UBE3C: variants seen among roughly 807,000 people sequenced by gnomAD.
The protein encoded by UBE3C is ubiquitin-protein ligase E3C.
In UBE3C, 42 loss-of-function variants were observed where a neutral mutation model predicts 129.4. That is an observed-to-expected ratio of 0.32 (90% CI 0.25 to 0.42). The LOEUF (loss-of-function observed/expected upper bound fraction) is 0.42. Among genes scored for constraint, UBE3C ranks in the 10% least tolerant of loss-of-function variants. The probability of loss-of-function intolerance (pLI) is 1.00; values close to 1 mark genes in which losing one functional copy is unlikely to be tolerated. For missense variants in UBE3C, 1,049 were observed against 1,319.1 expected, an observed-to-expected ratio of 0.80 and a Z score of 3.17; for synonymous variants, 510 against 492.4, an observed-to-expected ratio of 1.04 and a Z score of -0.47.
intron 10 of UBE3C, chr7:157,192,837 G>GT: frequency 9.2e-7 from 1 of 1,086,566 alleles, no homozygotes; most frequent in South Asian, 1.3e-5. Context: ...AAGTAACTGC[G>GT]TATGAGTTAA....
At chr7:157,228,286 T>C (rs1487522564) in intron 17 of UBE3C, among the ~76,000 whole-genome samples, 1 of 152,234 alleles carries the variant, frequency 6.6e-6, no homozygotes, top group Non-Finnish European at 1.5e-5. Flanking sequence ...TCCACAGGGA[T>C]GCCCACGCAC....
At chr7:157,175,143 T>A (rs1054034613) in intron 5 of UBE3C, 109 bp downstream of exon 5, 1 of 662,278 alleles carries the variant, frequency 1.5e-6, no homozygotes, top group African/African-American at 2.0e-5. Flanking sequence ...CATACTTTTT[T>A]TTTTTTTTTT....
chr7:157,260,878 G>A (rs967412565), intron 22 of UBE3C, among the ~76,000 whole-genome samples: 2 of 152,206 alleles, frequency 1.3e-5, no homozygotes, highest in Middle Eastern at 3.2e-3. Context: ...CAGCAATAAC[G>A]TGTGCCTAGG....
intron 5 of UBE3C, among the ~76,000 whole-genome samples, chr7:157,175,950 G>A (rs1808505401): frequency 6.6e-6 from 1 of 152,000 alleles, no homozygotes; most frequent in African/African-American, 2.4e-5. Context: ...TATTTTTCTT[G>A]CCTTTTGCTT....
intron 18 of UBE3C, among the ~76,000 whole-genome samples, chr7:157,242,511 G>GT (rs754697865): frequency 5.1e-4 from 4 of 7,902 alleles, no homozygotes; most frequent in Admixed American, 3.5e-3. Flanking sequence ...CTGAGCCTGA[G>GT]TTGTTTTTTT....
intron 5 of UBE3C, 116 bp downstream of exon 5, chr7:157,175,150 T>A (rs891494527): frequency 1.4e-6 from 1 of 690,054 alleles, no homozygotes. Flanking sequence ...TTTTTTTTTT[T>A]TTTTTTTTGA....
chr7:157,196,038 A>T (rs890644969), intron 10 of UBE3C, among the ~76,000 whole-genome samples: 4 of 152,198 alleles, frequency 2.6e-5, no homozygotes, highest in African/African-American at 7.2e-5. Flanking sequence ...AGATTATGCA[A>T]TGGGACTAAT....
chr7:157,223,129 A>T (rs773519555), intron 15 of UBE3C, 125 bp from the exon 16 acceptor site: 1 of 1,001,526 alleles, frequency 1.0e-6, no homozygotes, highest in Admixed American at 2.0e-5. Context: ...GGATGTGTTC[A>T]TGGAACTGGA....
At chr7:157,198,510 A>G (rs758926058) in intron 10 of UBE3C, 1 of 372,588 alleles carries the variant, frequency 2.7e-6, no homozygotes, top group Non-Finnish European at 4.9e-6. Flanking sequence ...GCCCTCCGCC[A>G]TCTTCCGCTG....
Position 157,163,414 on chromosome 7 carries a change from A to G in UBE3C, c.67-396A>G, listed in dbSNP as rs151179307. Among the ~76,000 whole-genome samples, 1,511 of 151,706 alleles carry G rather than the reference A, an allele frequency of 1.0e-2. 25 individuals are homozygous for G. The highest frequency in any genetic ancestry group is 0.034 in the African/African-American group (1,405 of 41,376). ...AAAAAAAAAAAAAAAAAGGAAAGAA[A>G]TGATACCCAGAGACCCCTGTCCACA... is the stretch of plus-strand genomic sequence containing the variant. On this transcript the variant is annotated intron_variant, in intron 1 of 22. Coordinates refer to ENST00000348165, the MANE Select transcript of UBE3C (RefSeq NM_014671.3).
At chr7:157,167,568 C>G (rs1476035319) in intron 2 of UBE3C, among the ~76,000 whole-genome samples, 2 of 151,350 alleles carry the variant, frequency 1.3e-5, no homozygotes, top group South Asian at 2.1e-4. Flanking sequence ...GACGGAGTCT[C>G]ACTCTGTCAC....
chr7:157,146,548 T>C (rs1245689976), intron 1 of UBE3C, among the ~76,000 whole-genome samples: 2 of 152,240 alleles, frequency 1.3e-5, no homozygotes, highest in Non-Finnish European at 2.9e-5. Flanking sequence ...AGCTCTGTTA[T>C]GGCTTTATTC....
intron 13 of UBE3C, among the ~76,000 whole-genome samples, chr7:157,211,167 G>GGAGAGAGAGAGAGAGAGA (rs3039783): frequency 0.057 from 7,782 of 136,812 alleles, 302 homozygotes; most frequent in Middle Eastern, 0.089. Flanking sequence ...CCATATGTCT[G>GGAGAGAGAGAGAGAGAGA]GAGAGAGAGA....
chr7:157,163,967 A>G (rs2116863325), intron 2 of UBE3C, 104 bp downstream of exon 2: 3 of 1,031,008 alleles, frequency 2.9e-6, no homozygotes, highest in Non-Finnish European at 4.3e-6. Context: ...TATTTTTTAT[A>G]TATGACAGAA....
chr7:157,248,711 A>T, intron 19 of UBE3C, 131 bp downstream of exon 19: 1 of 994,914 alleles, frequency 1.0e-6, no homozygotes, highest in Non-Finnish European at 1.5e-6. Context: ...GCTGTGAGTT[A>T]GACGTCGAAG....
At chr7:157,231,537 T>C in intron 18 of UBE3C, 1 of 617,352 alleles carries the variant, frequency 1.6e-6, no homozygotes, top group Non-Finnish European at 2.7e-6. Context: ...TGTTGAAACT[T>C]GATCCCCAGT....
intron 13 of UBE3C, among the ~76,000 whole-genome samples, chr7:157,215,918 G>T (rs1795554751): frequency 1.3e-5 from 2 of 152,166 alleles, no homozygotes; most frequent in Admixed American, 1.3e-4. Flanking sequence ...TTTAGTACCT[G>T]CTAGGTTCCA....
chr7:157,156,541 A>G (rs969536655), intron 1 of UBE3C, among the ~76,000 whole-genome samples: 1 of 151,510 alleles, frequency 6.6e-6, no homozygotes, highest in African/African-American at 2.4e-5. Context: ...TCCTAACCTC[A>G]AGTGATCCAC....
At chr7:157,182,432 C>A in intron 8 of UBE3C, 104 bp downstream of exon 8, 1 of 1,196,030 alleles carries the variant, frequency 8.4e-7, no homozygotes, top group East Asian at 2.5e-5. Flanking sequence ...AAAGGTGGGC[C>A]TCTCCTGGAG....
Sources: allele counts gnomAD v4.1 joint callset (sites outside exome capture counted in the v4.1 genomes callset), GRCh38; gene constraint gnomAD v4.1.1; transcripts MANE v1.5; gene names NCBI Gene and HGNC (gene_info 2026-07-23, HGNC 2026-07-21).